NF1: variants seen among roughly 807,000 people sequenced by gnomAD.
NF1 encodes the protein neurofibromin 1, also known as neurofibromin.
In NF1, 122 loss-of-function variants were observed where a neutral mutation model predicts 325.7. That is an observed-to-expected ratio of 0.37 (90% CI 0.32 to 0.44). NF1 has a LOEUF of 0.44. Ranked by LOEUF, NF1 falls within the 20% of genes least tolerant of loss-of-function variation. The pLI, the probability that NF1 is intolerant of heterozygous loss-of-function variation, is 1.00. For synonymous variants in NF1, 1,091 were observed against 1,186.0 expected (o/e 0.92, Z 1.65); for missense variants, 2,140 against 3,415.4 (o/e 0.63, Z 9.31).
chr17:31,356,676 A>G, intron 52 of NF1, 94 bp downstream of exon 52: 1 of 1,537,942 alleles, frequency 6.5e-7, no homozygotes, highest in Non-Finnish European at 8.9e-7. Context: ...TAGAATCTTT[A>G]GAGTGAAATA....
At chr17:31,104,835 C>T (rs1411654612) in intron 1 of NF1, among the ~76,000 whole-genome samples, 1 of 152,104 alleles carries the variant, frequency 6.6e-6, no homozygotes, top group East Asian at 1.9e-4. Flanking sequence ...TCCATTTGAC[C>T]ACTTCAAATG....
chr17:31,369,079 G>A (rs1426646947), intron 57 of NF1, among the ~76,000 whole-genome samples: 3 of 152,066 alleles, frequency 2.0e-5, no homozygotes, highest in African/African-American at 7.2e-5. Context: ...AGTTAAAAGC[G>A]ATTCTGTTGT....
chr17:31,351,453 G>A (rs969723894), intron 50 of NF1, among the ~76,000 whole-genome samples: 2 of 151,940 alleles, frequency 1.3e-5, no homozygotes, highest in African/African-American at 4.8e-5. Context: ...GTCTTGCTCT[G>A]TCGCCCAGGC....
chr17:31,299,563 G>A (rs983290837), intron 36 of NF1: 12 of 152,002 alleles, frequency 7.9e-5, no homozygotes, highest in African/African-American at 2.7e-4. Flanking sequence ...CCAAGGAATA[G>A]CTATCCCACG....
intron 4 of NF1, among the ~76,000 whole-genome samples, chr17:31,164,442 A>T (rs1324798754): frequency 6.6e-6 from 1 of 152,204 alleles, no homozygotes; most frequent in African/African-American, 2.4e-5. Flanking sequence ...TTTCTAAGGC[A>T]AGTAAAGTCA....
At position 31,182,683 on chromosome 17, in the gene NF1, A is replaced by C. The variant is rs2143787331; in HGVS notation, c.888+18A>C. 6.2e-7 allele frequency: 1 copy of C among 1,607,792 alleles called. No homozygotes were observed. Among genetic ancestry groups the C allele is most frequent in the East Asian group, 2.2e-5 (1 of 44,780 alleles). On this transcript the variant is annotated intron_variant, in intron 8 of 57. Transcript: ENST00000358273. Reference sequence around the variant, plus strand: ...TGAATAAGGTAAGGAGGGCAAAATTATTTCCATTATATCTAGATGTGAAGC... The same window carrying C: ...TGAATAAGGTAAGGAGGGCAAAATTCTTTCCATTATATCTAGATGTGAAGC...
At chr17:31,172,190 G>A (rs1402146153) in intron 5 of NF1, among the ~76,000 whole-genome samples, 3 of 152,146 alleles carry the variant, frequency 2.0e-5, no homozygotes. Context: ...AGCTGGGTGT[G>A]CTGACACGCA....
intron 27 of NF1, among the ~76,000 whole-genome samples, chr17:31,234,013 T>C (rs1161158423): frequency 2.0e-5 from 3 of 152,222 alleles, no homozygotes; most frequent in Non-Finnish European, 4.4e-5. Flanking sequence ...CAGCTACCTT[T>C]CTGTCCCTCC....
At chr17:31,324,381 T>C (rs1025180453) in intron 36 of NF1, among the ~76,000 whole-genome samples, 2 of 151,832 alleles carry the variant, frequency 1.3e-5, no homozygotes, top group Non-Finnish European at 2.9e-5. Context: ...TGTGTGATAT[T>C]TTGATACATG....
rs760581466 is a variant in NF1 at position 31,337,624 on chromosome 17, T to C, written c.6642+42T>C. On this transcript the variant is annotated intron_variant, in intron 43 of 57. Transcript: ENST00000358273. Reference sequence around the variant, plus strand: ...GATAAGAAACTAAGTTAAAATCTTTTTTTAAAAATATGTTAATACTATATA... The same window carrying C: ...GATAAGAAACTAAGTTAAAATCTTTCTTTAAAAATATGTTAATACTATATA... 35 of 1,575,994 alleles carry C rather than the reference T, an allele frequency of 2.2e-5. No individual in the cohort carries two copies. Among genetic ancestry groups the C allele is most frequent in the Admixed American group, 3.4e-5 (2 of 58,892 alleles).
chr17:31,313,098 A>G (rs1190063808), intron 36 of NF1, among the ~76,000 whole-genome samples: 1 of 152,136 alleles, frequency 6.6e-6, no homozygotes, highest in Non-Finnish European at 1.5e-5. Flanking sequence ...ATTATTAAAT[A>G]TAAAATCTAT....
chr17:31,246,938 C>T (rs1308598517), intron 29 of NF1, among the ~76,000 whole-genome samples: 2 of 151,898 alleles, frequency 1.3e-5, no homozygotes, highest in East Asian at 1.9e-4. Context: ...GGCTCATGAC[C>T]GTAATCCCAG....
At position 31,182,588 on chromosome 17, in the gene NF1, A is replaced by G. The variant is rs1225621913; in HGVS notation, c.811A>G (p.Ile271Val). 6.2e-7 allele frequency: 1 copy of G among 1,614,082 alleles called. No homozygotes were observed. Among genetic ancestry groups the G allele is most frequent in the Non-Finnish European group, 8.5e-7 (1 of 1,179,952 alleles). ...KRKAAVWPLQ[I>V]ILLILCPEII... Reference sequence around the variant, plus strand: ...TAAAGCAGCAGTTTGGCCACTACAAATCATTCTCCTTATCTTGTGTCCAGA... The same window carrying G: ...TAAAGCAGCAGTTTGGCCACTACAAGTCATTCTCCTTATCTTGTGTCCAGA... Residue 271 changes from isoleucine to valine, a missense_variant, in exon 8 of 58, where the codon ATC (isoleucine) becomes GTC (valine). By Grantham distance (29) the Ile-to-Val change is conservative. Transcript: ENST00000358273.
chr17:31,098,053 G>A (rs545924259), intron 1 of NF1, among the ~76,000 whole-genome samples: 1 of 150,674 alleles, frequency 6.6e-6, no homozygotes, highest in African/African-American at 2.4e-5. Context: ...CTGACCTTGA[G>A]ATACAAAAAT....
intron 5 of NF1, among the ~76,000 whole-genome samples, chr17:31,176,654 G>A (rs1335642697): frequency 6.6e-6 from 1 of 152,176 alleles, no homozygotes; most frequent in Non-Finnish European, 1.5e-5. Context: ...TTATGTTTAA[G>A]TCTTTAATCT....
chr17:31,193,411 ATCT>A (rs769719930), intron 8 of NF1, among the ~76,000 whole-genome samples: 1 of 152,180 alleles, frequency 6.6e-6, no homozygotes, highest in African/African-American at 2.4e-5. Context: ...GGCTTATGCG[ATCT>A]TCTTCCACCT....
At chr17:31,347,079 C>T (rs1467779711) in intron 48 of NF1, among the ~76,000 whole-genome samples, 3 of 150,186 alleles carry the variant, frequency 2.0e-5, no homozygotes, top group Non-Finnish European at 4.4e-5. Context: ...TTTGGGAATC[C>T]TCAAAAAGCA....
intron 4 of NF1, 70 bp from the exon 5 acceptor site, chr17:31,169,821 C>A: frequency 9.3e-7 from 1 of 1,080,472 alleles, no homozygotes; most frequent in Non-Finnish European, 1.4e-6. Flanking sequence ...GCTGGGATTA[C>A]AGGTGTGAGA....
intron 1 of NF1, among the ~76,000 whole-genome samples, chr17:31,111,844 A>G (rs1293880630): frequency 6.6e-6 from 1 of 152,174 alleles, no homozygotes; most frequent in East Asian, 1.9e-4. Flanking sequence ...GTGTGTGAGT[A>G]AATAGACAAG....
Sources: gnomAD v4.1 joint callset for allele counts (sites outside exome capture counted in the v4.1 genomes callset) on GRCh38, gnomAD v4.1.1 for gene constraint, MANE v1.5 for transcripts, NCBI Gene and HGNC (gene_info 2026-07-23, HGNC 2026-07-21) for gene names.